The following SELENOW variants were observed in gnomAD, a reference collection of about 807,000 sequenced individuals.
SELENOW encodes the protein selenoprotein W, also known as selenoprotein W, 1.
Under a neutral mutation model 16.6 loss-of-function variants are expected in SELENOW, and 20 were observed. That is an observed-to-expected ratio of 1.21 (90% CI 0.85 to 1.76). The LOEUF (loss-of-function observed/expected upper bound fraction) is 1.76, where lower values mean the gene tolerates loss of function less well. SELENOW is among the 40% of genes most tolerant of loss of function. SELENOW has a pLI of 0.00. For synonymous variants in SELENOW, 44 were observed against 46.2 expected, an observed-to-expected ratio of 0.95 and a Z score of 0.19; for missense variants, 124 against 111.0, an observed-to-expected ratio of 1.12 and a Z score of -0.53.
Position 47,784,480 on chromosome 19 carries a change from C to A in SELENOW, c.*209C>A, listed in dbSNP as rs939231749. On this transcript the variant is annotated 3_prime_UTR_variant, in exon 6 of 6. Coordinates refer to ENST00000601048, the MANE Select transcript of SELENOW (RefSeq NM_003009.4). Reference sequence around the variant, plus strand: ...GTCTTCCCCGGAATCCACACCACCCCACCCTCCTCCTGTCCCGTGGTTTCA... The same window carrying A: ...GTCTTCCCCGGAATCCACACCACCCAACCCTCCTCCTGTCCCGTGGTTTCA... 1.3e-5 allele frequency: 2 copies of A among 152,636 alleles called. No homozygotes were observed. Among genetic ancestry groups the A allele is most frequent in the Middle Eastern group, 6.8e-3 (2 of 296 alleles). 9.5% of individuals were successfully genotyped at this position (152,636 alleles called of 1,614,324 possible).
intron 5 of SELENOW, chr19:47,783,415 C>G (rs1399724827): frequency 1.3e-5 from 2 of 152,266 alleles, no homozygotes; most frequent in Non-Finnish European, 2.9e-5. Context: ...GTTAGCCAGG[C>G]TGGTTTTGAA....
At chr19:47,782,548 C>CTT (rs3837957) in intron 5 of SELENOW, 28 of 149,414 alleles carry the variant, frequency 1.9e-4, no homozygotes, top group Admixed American at 5.3e-4. Context: ...TTCTTTCTTT[C>CTT]TTTTTTTTTT....
chr19:47,778,951 G>A, intron 1 of SELENOW, 137 bp downstream of exon 1: 3 of 820,524 alleles, frequency 3.7e-6, no homozygotes, highest in Non-Finnish European at 5.5e-6. Flanking sequence ...TGTGGGTGGG[G>A]TGGGCGTACG....
At chr19:47,780,773 G>GA in intron 2 of SELENOW, 24 bp downstream of exon 2, 1 of 1,582,446 alleles carries the variant, frequency 6.3e-7, no homozygotes, top group Non-Finnish European at 8.6e-7. Context: ...ATGCCCGGGG[G>GA]GCATTCCTGG....
At chr19:47,780,064 G>T in intron 1 of SELENOW, 1 of 450,752 alleles carries the variant, frequency 2.2e-6, no homozygotes, top group Non-Finnish European at 4.5e-6. Context: ...TGCTGTGGGG[G>T]TTGGGTGAGC....
At chr19:47,780,802 G>T (rs903534636) in intron 2 of SELENOW, 53 bp downstream of exon 2, 33 of 1,599,142 alleles carry the variant, frequency 2.1e-5, no homozygotes, top group Middle Eastern at 3.3e-4. Context: ...GAGGGGTAGA[G>T]TGCATATTGG....
intron 1 of SELENOW, 185 bp downstream of exon 1, chr19:47,778,999 CGTCTTCGACTT>C (rs1967440939): frequency 1.8e-6 from 1 of 566,760 alleles, no homozygotes; most frequent in African/African-American, 2.0e-5. Context: ...CCCTAGGCCC[CGTCTTCGACTT>C]GTGACACGCT....
chr19:47,781,932 A>AGGTATGCAGGATGACAGCTGAGATGG (rs1188696974), intron 5 of SELENOW, among the ~76,000 whole-genome samples: 2 of 151,954 alleles, frequency 1.3e-5, no homozygotes, highest in African/African-American at 2.4e-5. Context: ...ATAGGGTCAG[A>AGGTATGCAGGATGACAGCTGAGATGG]GGTATGCAGG....
At position 47,778,989 on chromosome 19, in the gene SELENOW, C is replaced by T. The variant is rs957564521; in HGVS notation, c.29+175C>T. The T allele has an allele frequency of 2.7e-5, 16 of 589,896 alleles. No individual in the cohort carries two copies. The Admixed American group carries it at 4.6e-4, about 17-fold the overall frequency. The allele number at this position is 589,896 out of a possible 1,614,324, so 36.5% of individuals were successfully genotyped here. ...GGGGCGAAAAACAGAGGGCGGTCGT[C>T]CCTAGGCCCCGTCTTCGACTTGTGA... is the stretch of plus-strand genomic sequence containing the variant. On this transcript the variant is annotated intron_variant, in intron 1 of 5. Coordinates refer to ENST00000601048, the MANE Select transcript of SELENOW (RefSeq NM_003009.4).
intron 5 of SELENOW, among the ~76,000 whole-genome samples, chr19:47,781,759 C>T (rs906901576): frequency 1.3e-5 from 2 of 149,998 alleles, no homozygotes; most frequent in Non-Finnish European, 2.9e-5. Flanking sequence ...CAGAGGTGTG[C>T]AGGATGACGG....
chr19:47,782,590 G>A (rs940910682), intron 5 of SELENOW: 4 of 151,976 alleles, frequency 2.6e-5, no homozygotes, highest in African/African-American at 9.7e-5. Context: ...TCCCGGGCTG[G>A]AGTGCAGTGG....
At chr19:47,780,385 T>C in intron 1 of SELENOW, 1 of 423,778 alleles carries the variant, frequency 2.4e-6, no homozygotes, top group South Asian at 2.2e-5. Flanking sequence ...CTCCTGGTTT[T>C]CCCCCGTCCC....
chr19:47,780,029 A>T, intron 1 of SELENOW: 1 of 410,150 alleles, frequency 2.4e-6, no homozygotes, highest in Non-Finnish European at 5.0e-6. Context: ...AGGCCTGTAC[A>T]CCAGATTCCA....
intron 5 of SELENOW, chr19:47,783,902 CT>C (rs960529678): frequency 1.1e-3 from 153 of 144,774 alleles, no homozygotes; most frequent in Non-Finnish European, 1.1e-3. Flanking sequence ...GCTTTGAATT[CT>C]TTTTTTTTTT....
At position 47,778,703 on chromosome 19, in the gene SELENOW, A is replaced by G. The variant is rs1325635716; in HGVS notation, c.-83A>G. On this transcript the variant is annotated 5_prime_UTR_variant, in exon 1 of 6. Transcript: ENST00000601048. Reference sequence around the variant, plus strand: ...TCCTTTCTGCGCAGGTTCCCGCCGCACTCGCGCAGACCTAGCGCGTCCAGG... The same window carrying G: ...TCCTTTCTGCGCAGGTTCCCGCCGCGCTCGCGCAGACCTAGCGCGTCCAGG... 4.1e-6 allele frequency: 6 copies of G among 1,474,418 alleles called. No homozygotes were observed. The highest frequency in any genetic ancestry group is 1.3e-5 in the South Asian group (1 of 79,870). The allele number at this position is 1,474,418 out of a possible 1,614,324, so 91.3% of individuals were successfully genotyped here.
chr19:47,779,122 G>A (rs1967442445), intron 1 of SELENOW: 1 of 439,420 alleles, frequency 2.3e-6, no homozygotes, highest in Non-Finnish European at 4.1e-6. Flanking sequence ...GGTCAGCTTT[G>A]TAAAGGGACC....
rs1230762178 is a variant in SELENOW at position 47,780,762 on chromosome 19, G to A, written c.54+13G>A. The A allele has an allele frequency of 6.5e-7, 1 of 1,542,976 alleles. No individual in the cohort carries two copies. The highest frequency in any genetic ancestry group is 8.8e-7 in the Non-Finnish European group (1 of 1,141,506). ...CTACAAGTCCAAGGTAAGCAGAGTG[G>A]ATGCCCGGGGGGCATTCCTGGGAGC... On this transcript the variant is annotated intron_variant, in intron 2 of 5. Transcript: ENST00000601048.
rs538367206 is a variant in SELENOW at position 47,783,605 on chromosome 19, C to G, written c.*19-685C>G. 4.6e-5 allele frequency: 7 copies of G among 152,348 alleles called. No homozygotes were observed. The East Asian group carries it at 1.2e-3, about 25-fold the overall frequency. The allele number at this position is 152,348 out of a possible 1,614,324, so 9.4% of individuals were successfully genotyped here. On this transcript the variant is annotated intron_variant, in intron 5 of 5. Coordinates refer to ENST00000601048, the MANE Select transcript of SELENOW (RefSeq NM_003009.4). ...ACACTGTGGACCCAAGTACCAGCTC[C>G]CAGTGTGCCTTGTGCCAGAAAACTA...
chr19:47,779,963 A>G (rs1599935376), intron 1 of SELENOW: 1 of 287,884 alleles, frequency 3.5e-6, no homozygotes, highest in South Asian at 2.9e-5. Flanking sequence ...CAGCTTTCCA[A>G]CGTCTCTGCC....
Sources: gnomAD v4.1 joint callset for allele counts (sites outside exome capture counted in the v4.1 genomes callset) on GRCh38, gnomAD v4.1.1 for gene constraint, MANE v1.5 for transcripts, NCBI Gene and HGNC (gene_info 2026-07-23, HGNC 2026-07-21) for gene names.